ALK: variants seen among roughly 807,000 people sequenced by gnomAD.
ALK encodes ALK receptor tyrosine kinase.
ALK carries 74 observed loss-of-function variants against 163.1 expected under a neutral mutation model. That is an observed-to-expected ratio of 0.45 (90% CI 0.38 to 0.55). The LOEUF is 0.55. Among genes scored for constraint, ALK ranks in the 20% least tolerant of loss-of-function variants. The probability of loss-of-function intolerance (pLI) is 0.00; values close to 1 mark genes in which losing one functional copy is unlikely to be tolerated. For synonymous variants in ALK, 960 were observed against 843.2 expected (o/e 1.14, Z -2.40); for missense variants, 2,063 against 2,105.3 (o/e 0.98, Z 0.39).
chr2:29,495,893 T>A (rs1390976582), intron 4 of ALK, among the ~76,000 whole-genome samples: 1 of 152,248 alleles, frequency 6.6e-6, no homozygotes, highest in East Asian at 1.9e-4. Flanking sequence ...TTAGCAAGTC[T>A]ACTTGAGATG....
At chr2:29,304,240 G>A (rs1481815739) in intron 8 of ALK, among the ~76,000 whole-genome samples, 1 of 152,176 alleles carries the variant, frequency 6.6e-6, no homozygotes, top group Non-Finnish European at 1.5e-5. Context: ...GCTTGTGCCT[G>A]TAATCCCAGC....
At position 29,226,980 on chromosome 2, in the gene ALK, C is replaced by CTT. The variant is rs1339238220; in HGVS notation, c.3007_3008dup (p.Val1004ArgfsTer33). The CTT allele has an allele frequency of 6.2e-7, 1 of 1,614,102 alleles. No homozygotes were observed. The highest frequency in any genetic ancestry group is 8.5e-7 in the Non-Finnish European group (1 of 1,180,046). On this transcript the variant is annotated frameshift_variant, in exon 18 of 29. Coordinates refer to ENST00000389048, the MANE Select transcript of ALK (RefSeq NM_004304.5). LOFTEE classifies it high-confidence loss of function. ...TCCCGTGGTCACAGAAGCAGATGAC[C>CTT]TTGTGGCTTTCAGGGTCCATGTGAC...
intron 1 of ALK, among the ~76,000 whole-genome samples, chr2:29,748,467 G>A (rs1049609194): frequency 1.3e-5 from 2 of 152,174 alleles, no homozygotes; most frequent in African/African-American, 4.8e-5. Context: ...TTAAGTGTCT[G>A]GGGTGGAGCC....
At chr2:29,463,047 C>G (rs946650020) in intron 4 of ALK, among the ~76,000 whole-genome samples, 1 of 152,132 alleles carries the variant, frequency 6.6e-6, no homozygotes, top group South Asian at 2.1e-4. Flanking sequence ...ATTGTATAAT[C>G]AAAGTAGTCT....
chr2:29,727,919 C>T (rs1410219486), intron 1 of ALK, among the ~76,000 whole-genome samples: 1 of 152,086 alleles, frequency 6.6e-6, no homozygotes, highest in Non-Finnish European at 1.5e-5. Context: ...CACATGTGAG[C>T]AAGCTGAAAC....
intron 1 of ALK, among the ~76,000 whole-genome samples, chr2:29,832,962 A>C (rs1665460558): frequency 6.6e-6 from 1 of 152,156 alleles, no homozygotes; most frequent in Non-Finnish European, 1.5e-5. Flanking sequence ...TTGACAGGGC[A>C]AAGAGAAGTA....
rs183598163 is a variant in ALK, at chr2:29,434,952, A to C, written c.1155-51093T>G. 7.9e-5 allele frequency among the ~76,000 whole-genome samples: 12 copies of C among 152,324 alleles called. No individual in the cohort carries two copies. In the East Asian group the frequency reaches 2.3e-3, roughly 29 times the overall value. The stretch of plus-strand genomic sequence containing the variant: ...CAAAGCTGTCATTTCATAGATAAGG[A>C]AACTGAAATTCAGAGAATTGAACTG... On this transcript the variant is annotated intron_variant, in intron 4 of 28. Coordinates refer to ENST00000389048, the MANE Select transcript of ALK (RefSeq NM_004304.5).
At chr2:29,538,215 G>A (rs149047864) in intron 3 of ALK, among the ~76,000 whole-genome samples, 4 of 152,220 alleles carry the variant, frequency 2.6e-5, no homozygotes, top group African/African-American at 9.6e-5. Flanking sequence ...GAAATAATAT[G>A]GTTTGGATGT....
chr2:29,712,617 AT>A (rs370966988), intron 2 of ALK, among the ~76,000 whole-genome samples: 12,598 of 147,318 alleles, frequency 0.086, 844 homozygotes, highest in African/African-American at 0.18. Flanking sequence ...TGTTAGGCTG[AT>A]TTTTTTTTTT....
chr2:29,620,166 C>G (rs1489598722), intron 3 of ALK, among the ~76,000 whole-genome samples: 1 of 152,164 alleles, frequency 6.6e-6, no homozygotes, highest in Non-Finnish European at 1.5e-5. Context: ...ATCCCATTCA[C>G]TGGGTGGGCT....
intron 4 of ALK, among the ~76,000 whole-genome samples, chr2:29,469,418 T>C (rs1671293669): frequency 6.6e-6 from 1 of 152,200 alleles, no homozygotes; most frequent in African/African-American, 2.4e-5. Flanking sequence ...CTAGTTTTGA[T>C]AAGGGCCCAC....
At chr2:29,640,288 C>T (rs1446958418) in intron 3 of ALK, among the ~76,000 whole-genome samples, 1 of 152,094 alleles carries the variant, frequency 6.6e-6, no homozygotes, top group Non-Finnish European at 1.5e-5. Flanking sequence ...GGAGGTGGGG[C>T]TTGGTGGGGA....
intron 1 of ALK, among the ~76,000 whole-genome samples, chr2:29,843,963 C>G (rs4666281): frequency 1.6e-4 from 24 of 152,106 alleles, no homozygotes; most frequent in East Asian, 1.5e-3. Context: ...ATCTCAAAAA[C>G]AGAGGTAAAT....
At position 29,570,276 on chromosome 2, in the gene ALK, G is replaced by A. The variant is rs530538656; in HGVS notation, c.953-38160C>T. Among the ~76,000 whole-genome samples the A allele has an allele frequency of 8.5e-5, 13 of 152,280 alleles. No individual in the cohort carries two copies. In the South Asian group the frequency reaches 2.5e-3, roughly 29 times the overall value. On this transcript the variant is annotated intron_variant, in intron 3 of 28. Transcript: ENST00000389048. ...AAGAAATAGGAGCGATCAATGCTCC[G>A]GATGTCACAAAGACACTGGACTTGG...
At chr2:29,210,593 T>C (rs989978638) in intron 24 of ALK, among the ~76,000 whole-genome samples, 1 of 152,114 alleles carries the variant, frequency 6.6e-6, no homozygotes, top group Non-Finnish European at 1.5e-5. Flanking sequence ...GCACCACACC[T>C]GGCTAATTTT....
intron 7 of ALK, among the ~76,000 whole-genome samples, chr2:29,319,769 T>A (rs898715105): frequency 3.9e-5 from 6 of 152,244 alleles, no homozygotes; most frequent in Non-Finnish European, 7.3e-5. Flanking sequence ...GAAGGGCACA[T>A]CCAGCTTGGA....
intron 4 of ALK, among the ~76,000 whole-genome samples, chr2:29,494,159 A>G (rs756106405): frequency 6.6e-6 from 1 of 152,154 alleles, no homozygotes; most frequent in Non-Finnish European, 1.5e-5. Flanking sequence ...GAGATTAGGT[A>G]TTTGGATTTC....
At chr2:29,304,490 G>A (rs1307121271) in intron 8 of ALK, among the ~76,000 whole-genome samples, 4 of 69,048 alleles carry the variant, frequency 5.8e-5, no homozygotes, top group Non-Finnish European at 9.9e-5. Flanking sequence ...GCAAGACTGT[G>A]TCTAAAAAAA....
intron 11 of ALK, among the ~76,000 whole-genome samples, chr2:29,259,628 T>A (rs997188832): frequency 1.3e-5 from 2 of 152,234 alleles, no homozygotes; most frequent in African/African-American, 2.4e-5. Context: ...AATTTCCTTC[T>A]CTAATAAGTC....
Sources: gnomAD v4.1 joint callset for allele counts (sites outside exome capture counted in the v4.1 genomes callset) on GRCh38, gnomAD v4.1.1 for gene constraint, MANE v1.5 for transcripts, NCBI Gene and HGNC (gene_info 2026-07-23, HGNC 2026-07-21) for gene names.